Variants in KCNAB2 observed in about 807,000 individuals in gnomAD.
KCNAB2 encodes voltage-gated potassium channel subunit beta-2.
In KCNAB2, 29 loss-of-function variants were observed where a neutral mutation model predicts 63.6. The ratio of observed to expected loss-of-function variants is 0.46; its 90% confidence interval spans 0.34 to 0.62. The LOEUF (loss-of-function observed/expected upper bound fraction) is 0.62. KCNAB2 is among the 20% of genes least tolerant of loss of function. The pLI, the probability that KCNAB2 is intolerant of heterozygous loss-of-function variation, is 0.01. For missense variants in KCNAB2, 359 were observed against 563.9 expected (o/e 0.64, Z 3.68); for synonymous variants, 222 against 224.2 (o/e 0.99, Z 0.09).
At position 6,096,112 on chromosome 1, in the gene KCNAB2, T is replaced by C. The variant is rs1336893610; in HGVS notation, c.948+488T>C. 4.4e-6 allele frequency: 2 copies of C among 456,748 alleles called. No homozygotes were observed. Among genetic ancestry groups the C allele is most frequent in the Non-Finnish European group, 4.4e-6 (1 of 227,558 alleles). 28.3% of individuals were successfully genotyped at this position (456,748 alleles called of 1,614,324 possible). ...GAGAACAAGGAGCAGGCCAAGAAAGTCTGCCCAGCCAGCAGTCTCAGCACT... is the reference window on the plus strand; with the variant it reads ...GAGAACAAGGAGCAGGCCAAGAAAGCCTGCCCAGCCAGCAGTCTCAGCACT... On this transcript the variant is annotated intron_variant, in intron 13 of 15. Coordinates refer to ENST00000378083, the MANE Select transcript of KCNAB2 (RefSeq NM_001199862.2). The surrounding 1 kb of genome is among the most constrained non-coding windows in gnomAD (Gnocchi z 5.9).
chr1:6,004,026 C>A lies in KCNAB2; in HGVS notation c.-53+11238C>A, dbSNP rs114147552. Among the ~76,000 whole-genome samples, 429 of 152,318 alleles carry A rather than the reference C, an allele frequency of 2.8e-3. 2 individuals carry two copies. The highest frequency in any genetic ancestry group is 9.8e-3 in the African/African-American group (408 of 41,568). The stretch of plus-strand genomic sequence containing the variant: ...TGAAGCCATTTGTTATTTATTCTTA[C>A]AGTCCCCCGGAGAGCAGGGAGGAGC... On this transcript the variant is annotated intron_variant, in intron 1 of 16. Coordinates refer to the KCNAB2 transcript ENST00000341524.
At chr1:6,068,685 G>A (rs550900174) in intron 2 of KCNAB2, among the ~76,000 whole-genome samples, 2 of 152,276 alleles carry the variant, frequency 1.3e-5, no homozygotes, top group South Asian at 2.1e-4. Flanking sequence ...CGGTACCTGC[G>A]TCATGAGTTG....
At chr1:6,038,794 T>A (rs1660259211) in intron 1 of KCNAB2, among the ~76,000 whole-genome samples, 1 of 151,806 alleles carries the variant, frequency 6.6e-6, no homozygotes, top group African/African-American at 2.4e-5. Context: ...GGAAAAAGAG[T>A]GGGAAAAACA....
At chr1:6,039,702 G>T (rs1373721347) in intron 1 of KCNAB2, among the ~76,000 whole-genome samples, 2 of 152,140 alleles carry the variant, frequency 1.3e-5, no homozygotes, top group Non-Finnish European at 2.9e-5. Flanking sequence ...ACCTCTGGTA[G>T]GAAAGGATCC....
At chr1:5,993,139 C>G (rs906156544) in intron 1 of KCNAB2, among the ~76,000 whole-genome samples, 1 of 151,356 alleles carries the variant, frequency 6.6e-6, no homozygotes, top group Non-Finnish European at 1.5e-5. Flanking sequence ...CCTCGCCCTC[C>G]CCTTTCCTCC....
At chr1:6,030,917 T>G (rs1659579592), upstream of KCNAB2, among the ~76,000 whole-genome samples, 1 of 132,582 alleles carries the variant, frequency 7.5e-6, no homozygotes, top group Non-Finnish European at 1.6e-5. Context: ...GGTATGTTTG[T>G]ATGTGTAGGG....
chr1:6,055,352 G>A (rs935213583), intron 2 of KCNAB2, among the ~76,000 whole-genome samples: 3 of 138,946 alleles, frequency 2.2e-5, no homozygotes, highest in East Asian at 4.2e-4. Flanking sequence ...GAAGACAAAC[G>A]CTTTTTTTTT....
intron 11 of KCNAB2, 51 bp from the exon 12 acceptor site, chr1:6,095,272 T>C (rs1555144): frequency 0.74 from 1,144,442 of 1,552,610 alleles, 425,057 homozygotes; most frequent in African/African-American, 0.87. Flanking sequence ...CCCGGCAGCC[T>C]CCCGCCTGCT....
upstream of KCNAB2, among the ~76,000 whole-genome samples, chr1:6,042,830 G>GCCCCCCCCCCCCCCCCCCCCC (rs1441073540): frequency 3.6e-5 from 1 of 27,874 alleles, no homozygotes; most frequent in Non-Finnish European, 6.2e-5. Flanking sequence ...CTCTCCCCGC[G>GCCCCCCCCCCCCCCCCCCCCC]CCCCCACTCC....
At chr1:6,077,997 T>C (rs923210341) in intron 4 of KCNAB2, among the ~76,000 whole-genome samples, 2 of 152,148 alleles carry the variant, frequency 1.3e-5, no homozygotes, top group African/African-American at 4.8e-5. Context: ...CCAAACTCGG[T>C]ACCCCTGAGC....
chr1:6,042,710 G>A (rs973743896), upstream of KCNAB2, among the ~76,000 whole-genome samples: 3 of 152,204 alleles, frequency 2.0e-5, no homozygotes, highest in East Asian at 1.9e-4. Flanking sequence ...CGGTCAGGCC[G>A]GGAGGTCTCT....
intron 1 of KCNAB2, among the ~76,000 whole-genome samples, chr1:5,997,576 G>A (rs968388796): frequency 1.3e-5 from 2 of 152,190 alleles, no homozygotes; most frequent in African/African-American, 4.8e-5. Context: ...CACCATGAAT[G>A]TGTTTTCATT....
In KCNAB2 at chr1:6,093,592, C is replaced by T. The variant is rs74394791; in HGVS notation, c.647-808C>T. Among the ~76,000 whole-genome samples, 699 of 152,310 alleles carry T rather than the reference C, an allele frequency of 4.6e-3. 8 individuals are homozygous for T. The highest frequency in any genetic ancestry group is 0.016 in the African/African-American group (652 of 41,566). On this transcript the variant is annotated intron_variant, in intron 10 of 15. Coordinates refer to ENST00000378083, the MANE Select transcript of KCNAB2 (RefSeq NM_001199862.2). Reference sequence around the variant, plus strand: ...GGGCCTTAGGAGTCTCCGCCGTCCACGATTCAGGTTGTTCCCAGGGCTCAT... The same window carrying T: ...GGGCCTTAGGAGTCTCCGCCGTCCATGATTCAGGTTGTTCCCAGGGCTCAT...
In KCNAB2 at chr1:6,089,104, G is replaced by A. The variant is rs746744342; in HGVS notation, c.514+53G>A. 946 of 1,516,216 alleles carry A rather than the reference G, an allele frequency of 6.2e-4. 12 individuals are homozygous for A. Among genetic ancestry groups the A allele is most frequent in the Middle Eastern group, 2.3e-4 (1 of 4,412 alleles). The allele number at this position is 1,516,216 out of a possible 1,614,324, so 93.9% of individuals were successfully genotyped here. ...CCCCCATACCTGTGGGATCATCCTC[G>A]GAGGCCAAAGTGATGGCAGCACAGG... On this transcript the variant is annotated intron_variant, in intron 8 of 15. Coordinates refer to ENST00000378083, the MANE Select transcript of KCNAB2 (RefSeq NM_001199862.2).
chr1:6,082,209 C>A lies in KCNAB2; in HGVS notation c.315C>A (p.Leu105=). The A allele has an allele frequency of 6.2e-7, 1 of 1,613,872 alleles. No individual in the cohort carries two copies. The highest frequency in any genetic ancestry group is 1.1e-5 in the South Asian group (1 of 91,070). ...TCTCGTTTCAGATGGCAGAGCAGCT[C>A]ATGACCTTGGCCTATGATAATGGCA... ...GQITDEMAEQ[L]MTLAYDNGIN... is the part of the protein sequence containing the mutation. Residue 105 remains leucine, a synonymous_variant, in exon 5 of 16, where the codon CTC becomes CTA. Coordinates refer to ENST00000378083, the MANE Select transcript of KCNAB2 (RefSeq NM_001199862.2).
intron 2 of KCNAB2, among the ~76,000 whole-genome samples, chr1:6,054,964 CTTAG>C (rs1661688353): frequency 6.6e-6 from 1 of 152,096 alleles, no homozygotes; most frequent in South Asian, 2.1e-4. Flanking sequence ...TTCCTTTTGA[CTTAG>C]TTATAGGAAA....
At chr1:6,072,845 G>A (rs1358274999) in intron 3 of KCNAB2, 47 bp downstream of exon 3, 13 of 1,597,324 alleles carry the variant, frequency 8.1e-6, no homozygotes, top group Non-Finnish European at 9.4e-6. Flanking sequence ...CAGGCTGTGG[G>A]GAGGCCGGGC....
At position 6,087,956 on chromosome 1, in the gene KCNAB2, CTCCAA is replaced by C. The variant is rs1227646138; in HGVS notation, c.470+446_470+450del. On this transcript the variant is annotated intron_variant, in intron 7 of 15. Transcript: ENST00000378083. The surrounding 1 kb of genome is among the most constrained non-coding windows in gnomAD (Gnocchi z 6.4). The stretch of plus-strand genomic sequence containing the variant: ...TGGGCCGCCTGTCACCCCTGCAGGT[CTCCAA>C]GTGTCTAGCTCCATAGTTTCTGGGC... Among the ~76,000 whole-genome samples, 1 of 152,216 alleles carries C rather than the reference CTCCAA, an allele frequency of 6.6e-6. No individual in the cohort carries two copies. The highest frequency in any genetic ancestry group is 2.4e-5 in the African/African-American group (1 of 41,452).
intron 1 of KCNAB2, chr1:6,040,410 C>G: frequency 3.0e-6 from 2 of 662,386 alleles, no homozygotes; most frequent in Non-Finnish European, 5.6e-6. Context: ...TGCCCTGAAC[C>G]CAGACAGCCT....
Sources: allele counts gnomAD v4.1 joint callset (sites outside exome capture counted in the v4.1 genomes callset), GRCh38; gene constraint gnomAD v4.1.1; non-coding constraint Gnocchi (gnomAD v3.1); transcripts MANE v1.5; gene names NCBI Gene and HGNC (gene_info 2026-07-23, HGNC 2026-07-21).